Variants in ATRNL1 observed in about 807,000 individuals in gnomAD.
ATRNL1 encodes attractin-like protein 1.
In ATRNL1, 95 loss-of-function variants were observed where a neutral mutation model predicts 182.7. That is an observed-to-expected ratio of 0.52 (90% CI 0.44 to 0.62). ATRNL1 has a LOEUF of 0.62. Ranked by LOEUF, ATRNL1 falls within the 20% of genes least tolerant of loss-of-function variation. ATRNL1 has a pLI of 0.00. For missense variants in ATRNL1, 1,471 were observed against 1,679.5 expected, an observed-to-expected ratio of 0.88 and a Z score of 2.17; for synonymous variants, 576 against 568.3, an observed-to-expected ratio of 1.01 and a Z score of -0.19.
intron 28 of ATRNL1, among the ~76,000 whole-genome samples, chr10:115,926,386 A>C (rs1555120141): frequency 1.3e-5 from 2 of 152,178 alleles, no homozygotes; most frequent in South Asian, 4.1e-4. Flanking sequence ...AAAAGCTAGC[A>C]AAAGACAAGA....
At chr10:115,856,448 A>AAAAAAAAAAAAAAAAAAAAC (rs1555102095) in intron 28 of ATRNL1, among the ~76,000 whole-genome samples, 1 of 147,838 alleles carries the variant, frequency 6.8e-6, no homozygotes, top group Non-Finnish European at 1.5e-5. Context: ...AAAAAAAAAA[A>AAAAAAAAAAAAAAAAAAAAC]AAGCCATACA....
intron 24 of ATRNL1, among the ~76,000 whole-genome samples, chr10:115,509,500 G>A (rs782105235): frequency 6.6e-6 from 1 of 151,842 alleles, no homozygotes; most frequent in African/African-American, 2.4e-5. Context: ...TGAGAGATCT[G>A]GTTGTTTAAA....
At chr10:115,486,508 C>CT (rs1849033490) in intron 24 of ATRNL1, among the ~76,000 whole-genome samples, 1 of 152,114 alleles carries the variant, frequency 6.6e-6, no homozygotes, top group Non-Finnish European at 1.5e-5. Context: ...TGATGATGAG[C>CT]TTTTTTTCAT....
chr10:115,519,875 G>C (rs1308809046), intron 25 of ATRNL1, among the ~76,000 whole-genome samples: 1 of 152,120 alleles, frequency 6.6e-6, no homozygotes, highest in Non-Finnish European at 1.5e-5. Context: ...AGAGGTTATA[G>C]TTTGTAGCAT....
At chr10:115,469,112 C>T (rs1554971517) in intron 23 of ATRNL1, 60 bp from the exon 24 acceptor site, 1 of 590,882 alleles carries the variant, frequency 1.7e-6, no homozygotes, top group Non-Finnish European at 2.5e-6. Context: ...CTATAATATG[C>T]ATTTTTAAAT....
intron 21 of ATRNL1, among the ~76,000 whole-genome samples, chr10:115,440,931 C>G (rs534687138): frequency 4.6e-5 from 7 of 151,828 alleles, no homozygotes; most frequent in Admixed American, 4.6e-4. Flanking sequence ...TTATCTGCAC[C>G]AGCTAATAAT....
intron 21 of ATRNL1, among the ~76,000 whole-genome samples, chr10:115,428,329 G>A (rs1263180948): frequency 6.6e-6 from 1 of 151,978 alleles, no homozygotes; most frequent in Non-Finnish European, 1.5e-5. Context: ...CACATACAAT[G>A]TTTCCTGCAA....
At chr10:115,461,708 A>G (rs1409732536) in intron 21 of ATRNL1, among the ~76,000 whole-genome samples, 2 of 152,074 alleles carry the variant, frequency 1.3e-5, no homozygotes, top group South Asian at 2.1e-4. Flanking sequence ...ACTTTGTAAT[A>G]GCATCAGAAA....
intron 26 of ATRNL1, among the ~76,000 whole-genome samples, chr10:115,554,583 G>T: frequency 6.6e-6 from 1 of 151,484 alleles, no homozygotes; most frequent in Non-Finnish European, 1.5e-5. Flanking sequence ...CATTATTGGG[G>T]AATTTGTAGT....
chr10:115,510,785 T>A (rs1850348501), intron 24 of ATRNL1, among the ~76,000 whole-genome samples: 1 of 151,964 alleles, frequency 6.6e-6, no homozygotes, highest in Non-Finnish European at 1.5e-5. Context: ...TTTCTAAGAT[T>A]GGTATATGAT....
chr10:115,287,924 G>GTTTTTTTTT, intron 15 of ATRNL1, among the ~76,000 whole-genome samples: 1 of 91,020 alleles, frequency 1.1e-5, no homozygotes, highest in Non-Finnish European at 2.2e-5. Flanking sequence ...AAGATCAACT[G>GTTTTTTTTT]TTTTTTTTTT....
Position 115,946,552 on chromosome 10 carries a change from A to T in ATRNL1, c.*1773A>T, listed in dbSNP as rs1953880679. On this transcript the variant is annotated 3_prime_UTR_variant, in exon 29 of 29. Transcript: ENST00000355044. ...TTGCTATTTTCCATGCATTAAAAAT[A>T]AGACAAATTCTTAGAGTAATTTTAG... 1 of 152,202 alleles carries T rather than the reference A, an allele frequency of 6.6e-6. No homozygotes were observed. The highest frequency in any genetic ancestry group is 1.5e-5 in the Non-Finnish European group (1 of 68,018). 9.4% of individuals were successfully genotyped at this position (152,202 alleles called of 1,614,324 possible).
intron 20 of ATRNL1, among the ~76,000 whole-genome samples, chr10:115,395,417 T>A (rs2134282752): frequency 6.6e-6 from 1 of 152,064 alleles, no homozygotes; most frequent in East Asian, 1.9e-4. Flanking sequence ...AGAACAATTT[T>A]GTAGAGGCTT....
intron 27 of ATRNL1, among the ~76,000 whole-genome samples, chr10:115,767,210 T>C (rs1313623098): frequency 6.6e-6 from 1 of 152,206 alleles, no homozygotes; most frequent in Non-Finnish European, 1.5e-5. Context: ...TCTTCAACTC[T>C]GTAGCCTAAA....
chr10:115,484,829 C>G (rs1848942041), intron 24 of ATRNL1, among the ~76,000 whole-genome samples: 1 of 151,808 alleles, frequency 6.6e-6, no homozygotes, highest in African/African-American at 2.4e-5. Flanking sequence ...TAAATTTGCT[C>G]TATCTATGCT....
chr10:115,562,198 A>G (rs773200313), intron 26 of ATRNL1, among the ~76,000 whole-genome samples: 2 of 152,200 alleles, frequency 1.3e-5, no homozygotes, highest in African/African-American at 4.8e-5. Flanking sequence ...ATTAAAAAGG[A>G]ATGAAGTACT....
intron 20 of ATRNL1, among the ~76,000 whole-genome samples, chr10:115,409,331 T>C (rs373927877): frequency 1.3e-5 from 2 of 152,222 alleles, no homozygotes; most frequent in East Asian, 1.9e-4. Context: ...TTATTCTAGA[T>C]GAGATTTGCC....
At position 115,788,547 on chromosome 10, in the gene ATRNL1, A is replaced by G. The variant is rs369470347; in HGVS notation, c.3904-59330A>G. On this transcript the variant is annotated intron_variant, in intron 27 of 28. Coordinates refer to ENST00000355044, the MANE Select transcript of ATRNL1 (RefSeq NM_207303.4). Reference sequence around the variant, plus strand: ...TTCTAGTTGCCTACTTGAAGGTCTAATTAGCCAATTGCATATGCTTTTGTG... The same window carrying G: ...TTCTAGTTGCCTACTTGAAGGTCTAGTTAGCCAATTGCATATGCTTTTGTG... 3.9e-4 allele frequency among the ~76,000 whole-genome samples: 60 copies of G among 152,278 alleles called. 1 individual carries two copies. In the East Asian group the frequency reaches 8.5e-3, roughly 22 times the overall value.
chr10:115,461,008 C>A (rs1554969598), intron 21 of ATRNL1, among the ~76,000 whole-genome samples: 1 of 151,924 alleles, frequency 6.6e-6, no homozygotes, highest in East Asian at 1.9e-4. Flanking sequence ...CTAAATTATA[C>A]AATAAATATA....
Sources: gnomAD v4.1 joint callset for allele counts (sites outside exome capture counted in the v4.1 genomes callset) on GRCh38, gnomAD v4.1.1 for gene constraint, MANE v1.5 for transcripts, NCBI Gene and HGNC (gene_info 2026-07-23, HGNC 2026-07-21) for gene names.